The following TAOK3 variants were observed in gnomAD, a reference collection of about 807,000 sequenced individuals.
TAOK3 encodes the protein TAO kinase 3, also known as serine/threonine-protein kinase TAO3.
TAOK3 carries 40 observed loss-of-function variants against 120.4 expected under a neutral mutation model. The ratio of observed to expected loss-of-function variants is 0.33; its 90% CI spans 0.26 to 0.43. The LOEUF is 0.43. Among genes scored for constraint, TAOK3 ranks in the 20% least tolerant of loss-of-function variants. The probability of loss-of-function intolerance (pLI) is 1.00; values close to 1 mark genes in which losing one functional copy is unlikely to be tolerated. For synonymous variants in TAOK3, 355 were observed against 387.5 expected (o/e 0.92, Z 0.99); for missense variants, 821 against 1,112.1 (o/e 0.74, Z 3.72).
At chr12:118,177,483 G>GT (rs1293216985) in intron 15 of TAOK3, among the ~76,000 whole-genome samples, 154 bp from the exon 16 acceptor site, 2 of 149,810 alleles carry the variant, frequency 1.3e-5, no homozygotes, top group African/African-American at 4.9e-5. Flanking sequence ...TGATTTTCTT[G>GT]TATCTTAAAG....
At chr12:118,354,721 G>A (rs1371339241) in intron 1 of TAOK3, among the ~76,000 whole-genome samples, 1 of 152,070 alleles carries the variant, frequency 6.6e-6, no homozygotes, top group Non-Finnish European at 1.5e-5. Context: ...TTTTATCAGG[G>A]GGAGTTTCTC....
chr12:118,291,548 ATTTCCATACACT>A (rs2042481844), intron 1 of TAOK3, among the ~76,000 whole-genome samples: 1 of 152,142 alleles, frequency 6.6e-6, no homozygotes, highest in South Asian at 2.1e-4. Context: ...TTGAATGACT[ATTTCCATACACT>A]GTTTTACTTA....
At chr12:118,223,157 C>A (rs2039327738) in intron 9 of TAOK3, among the ~76,000 whole-genome samples, 1 of 149,654 alleles carries the variant, frequency 6.7e-6, no homozygotes, top group East Asian at 2.0e-4. Context: ...GCAAGCTCTG[C>A]CTCCCAGGTT....
At chr12:118,265,878 G>A (rs1187747674) in intron 2 of TAOK3, among the ~76,000 whole-genome samples, 12 of 152,110 alleles carry the variant, frequency 7.9e-5, no homozygotes, top group Admixed American at 7.9e-4. Flanking sequence ...TCTGAAGTTA[G>A]GTGTTGAAAT....
At chr12:118,326,707 C>T (rs1014968659) in intron 1 of TAOK3, among the ~76,000 whole-genome samples, 6 of 152,148 alleles carry the variant, frequency 3.9e-5, no homozygotes, top group Admixed American at 6.5e-5. Context: ...TTTACCAGCA[C>T]ATTAGGCAGT....
In TAOK3 at chr12:118,151,167, A is replaced by G; in HGVS notation, c.2536-9T>C. On this transcript the variant is annotated splice_polypyrimidine_tract_variant and intron_variant, in intron 20 of 20. Coordinates refer to ENST00000392533, the MANE Select transcript of TAOK3 (RefSeq NM_016281.4). ...GCCAGCTCCTCTTCAATCTGAAAGA[A>G]GCACGATGCAGTTCTTAATGGAAAG... The G allele has an allele frequency of 6.2e-7, 1 of 1,611,352 alleles. No homozygotes were observed. The highest frequency in any genetic ancestry group is 1.1e-5 in the South Asian group (1 of 91,052).
intron 1 of TAOK3, among the ~76,000 whole-genome samples, chr12:118,349,782 C>CA (rs542094371): frequency 6.6e-4 from 101 of 152,056 alleles, no homozygotes; most frequent in Non-Finnish European, 1.3e-3. Context: ...AAAAAAAACA[C>CA]AAAAAACAGT....
chr12:118,355,234 A>G (rs538678200), intron 1 of TAOK3, among the ~76,000 whole-genome samples: 17 of 152,336 alleles, frequency 1.1e-4, no homozygotes, highest in African/African-American at 3.8e-4. Context: ...TTCTATTGTC[A>G]CCAAAACAAA....
At chr12:118,182,599 G>GTGTATATATATATATATA (rs1440847647) in intron 14 of TAOK3, among the ~76,000 whole-genome samples, 2 of 93,900 alleles carry the variant, frequency 2.1e-5, no homozygotes, top group South Asian at 8.7e-4. Flanking sequence ...GTGTGTGTGT[G>GTGTATATATATATATATA]TATATATATA....
At chr12:118,213,975 C>T (rs370450394) in intron 10 of TAOK3, 42 bp downstream of exon 10, 147 of 1,497,102 alleles carry the variant, frequency 9.8e-5, no homozygotes, top group Non-Finnish European at 1.3e-4. Context: ...CAAATACATA[C>T]GGTGATTTTC....
chr12:118,164,046 G>C (rs1017723833), intron 17 of TAOK3, among the ~76,000 whole-genome samples: 2 of 151,922 alleles, frequency 1.3e-5, no homozygotes, highest in Non-Finnish European at 2.9e-5. Context: ...CAAGGAGCCT[G>C]GGGCGGTGGC....
chr12:118,247,920 G>A (rs12296288), intron 3 of TAOK3, among the ~76,000 whole-genome samples: 4,944 of 152,218 alleles, frequency 0.032, 184 homozygotes, highest in East Asian at 0.18. Flanking sequence ...TACCCCTAAT[G>A]TAAGTAAGCT....
chr12:118,179,646 T>C (rs892335083), intron 15 of TAOK3, among the ~76,000 whole-genome samples: 6 of 151,168 alleles, frequency 4.0e-5, no homozygotes, highest in Admixed American at 6.6e-5. Flanking sequence ...CCCTTCTGTT[T>C]TTTTTTTTTT....
intron 5 of TAOK3, among the ~76,000 whole-genome samples, chr12:118,239,786 A>T (rs1366693121): frequency 6.6e-6 from 1 of 152,226 alleles, no homozygotes; most frequent in African/African-American, 2.4e-5. Context: ...GTAGCCTGCT[A>T]TGTATCATTA....
chr12:118,366,201 T>C (rs1593715767), intron 1 of TAOK3, among the ~76,000 whole-genome samples: 2 of 151,814 alleles, frequency 1.3e-5, no homozygotes, highest in African/African-American at 4.8e-5. Flanking sequence ...GAGGTGGAGG[T>C]TACAGTTAGC....
intron 5 of TAOK3, among the ~76,000 whole-genome samples, chr12:118,239,820 T>C (rs548247597): frequency 3.9e-5 from 6 of 152,198 alleles, no homozygotes; most frequent in Non-Finnish European, 7.3e-5. Context: ...CCCTGAGATA[T>C]ATGTGTTATT....
intron 14 of TAOK3, among the ~76,000 whole-genome samples, chr12:118,188,957 C>A (rs1216445774): frequency 2.0e-5 from 3 of 151,850 alleles, no homozygotes; most frequent in African/African-American, 7.3e-5. Context: ...TGTGAGCGCG[C>A]ACGCGCACGC....
chr12:118,194,181 C>A (rs2037581363), intron 13 of TAOK3, among the ~76,000 whole-genome samples: 1 of 152,150 alleles, frequency 6.6e-6, no homozygotes, highest in Non-Finnish European at 1.5e-5. Flanking sequence ...TGGCTCTTAT[C>A]CGGTGATGAG....
At chr12:118,187,715 C>T (rs1264184201) in intron 14 of TAOK3, among the ~76,000 whole-genome samples, 7 of 152,108 alleles carry the variant, frequency 4.6e-5, no homozygotes, top group African/African-American at 1.7e-4. Flanking sequence ...CCCACAAAAA[C>T]AACTTATTTT....
Sources: gnomAD v4.1 joint callset for allele counts (sites outside exome capture counted in the v4.1 genomes callset) on GRCh38, gnomAD v4.1.1 for gene constraint, MANE v1.5 for transcripts, NCBI Gene and HGNC (gene_info 2026-07-23, HGNC 2026-07-21) for gene names.